The following ZHX2 variants were observed in gnomAD, a reference collection of about 807,000 sequenced individuals.
ZHX2 encodes the protein zinc fingers and homeoboxes protein 2.
ZHX2 carries 6 observed loss-of-function variants against 21.9 expected under a neutral mutation model. The observed-to-expected ratio is 0.27, with a 90% confidence interval of 0.15 to 0.54. The LOEUF is 0.54. ZHX2 is among the 20% of genes least tolerant of loss of function. ZHX2 has a pLI of 0.95. For missense variants in ZHX2, 908 were observed against 1,090.7 expected (o/e 0.83, Z 2.36); for synonymous variants, 434 against 437.1 (o/e 0.99, Z 0.09).
At chr8:122,886,299 A>G (rs539812471) in intron 2 of ZHX2, among the ~76,000 whole-genome samples, 2 of 152,348 alleles carry the variant, frequency 1.3e-5, no homozygotes, top group South Asian at 4.1e-4. Flanking sequence ...AGACAGTAAA[A>G]AGATCAGTGT....
At chr8:122,867,592 C>A (rs903777731) in intron 2 of ZHX2, among the ~76,000 whole-genome samples, 4 of 152,158 alleles carry the variant, frequency 2.6e-5, no homozygotes, top group Non-Finnish European at 5.9e-5. Context: ...TTTGTACTAG[C>A]TGGGAATAAG....
intron 1 of ZHX2, among the ~76,000 whole-genome samples, chr8:122,814,086 C>T (rs1257126968): frequency 1.3e-5 from 2 of 152,198 alleles, no homozygotes; most frequent in South Asian, 2.1e-4. Flanking sequence ...ACCCAAAGTT[C>T]GCACTACTAA....
rs28460212 is a variant in ZHX2, at chr8:122,914,690, T to G, written c.-219-36602T>G. On this transcript the variant is annotated intron_variant, in intron 2 of 3. Transcript: ENST00000314393. ...GTGGACTTCTATTTGCTAATAAATC[T>G]CATGCGCTCATTCAGACACTTCCAT... 5.4e-3 allele frequency among the ~76,000 whole-genome samples: 816 copies of G among 152,374 alleles called. 1 individual carries two copies. The highest frequency in any genetic ancestry group is 0.027 in the Middle Eastern group (8 of 294).
At chr8:122,959,637 C>T (rs1435299813) in intron 3 of ZHX2, among the ~76,000 whole-genome samples, 3 of 152,036 alleles carry the variant, frequency 2.0e-5, no homozygotes, top group African/African-American at 7.2e-5. Flanking sequence ...ATTTTTTTCC[C>T]ATCACTCATT....
At chr8:122,854,047 A>C (rs1027332287) in intron 1 of ZHX2, among the ~76,000 whole-genome samples, 3 of 152,102 alleles carry the variant, frequency 2.0e-5, no homozygotes, top group African/African-American at 7.2e-5. Flanking sequence ...AGTGATCTAC[A>C]TGGTCAGGCC....
rs187839237 is a variant in ZHX2, at chr8:122,790,268, T to G, written c.-283+8322T>G. Among the ~76,000 whole-genome samples, 324 of 152,312 alleles carry G rather than the reference T, an allele frequency of 2.1e-3. 4 individuals are homozygous for G. The highest frequency in any genetic ancestry group is 6.4e-3 in the African/African-American group (265 of 41,564). On this transcript the variant is annotated intron_variant, in intron 1 of 3. Coordinates refer to ENST00000314393, the MANE Select transcript of ZHX2 (RefSeq NM_014943.5). ...ACTGAGGCCCGGAAAGGTAAGATAA[T>G]TGGCCCAAGGTTATACAGTCCTATG...
chr8:122,946,882 C>T (rs1812988588), intron 2 of ZHX2, among the ~76,000 whole-genome samples: 1 of 152,080 alleles, frequency 6.6e-6, no homozygotes, highest in Admixed American at 6.5e-5. Flanking sequence ...CATGCACACA[C>T]ACACACTACT....
Position 122,953,865 on chromosome 8 carries a change from C to T in ZHX2, c.2355C>T (p.Asn785=), listed in dbSNP as rs746899768. 1.9e-5 allele frequency: 30 copies of T among 1,614,026 alleles called. No individual in the cohort carries two copies. In the Admixed American group the frequency reaches 2.3e-4, roughly 13 times the overall value. The change falls in exon 3 of 4, where the codon AAC becomes AAT. Residue 785 remains asparagine (N), a synonymous_variant. Coordinates refer to ENST00000314393, the MANE Select transcript of ZHX2 (RefSeq NM_014943.5). The surrounding 1 kb of genome is among the most constrained non-coding windows in gnomAD (Gnocchi z 4.6). ...GGGACGGCCAGGGTAGCGACGAGAACGAGGAGTCGAGCGTTGTGGATTACG... is the reference window on the plus strand; with the variant it reads ...GGGACGGCCAGGGTAGCGACGAGAATGAGGAGTCGAGCGTTGTGGATTACG... The part of the protein sequence containing the change: ...SSRDGQGSDE[N]EESSVVDYVE...
chr8:122,927,632 T>A (rs773711926), intron 2 of ZHX2, among the ~76,000 whole-genome samples: 9 of 152,070 alleles, frequency 5.9e-5, no homozygotes, highest in South Asian at 2.1e-4. Context: ...CAAGAAAGCT[T>A]GTGCAGGGGA....
chr8:122,943,987 C>T (rs182549396), intron 2 of ZHX2, among the ~76,000 whole-genome samples: 10 of 152,324 alleles, frequency 6.6e-5, no homozygotes, highest in Admixed American at 2.0e-4. Flanking sequence ...CTGCCCCTTA[C>T]CCCCAGTCCT....
At chr8:122,848,587 G>T (rs1431478823) in intron 1 of ZHX2, among the ~76,000 whole-genome samples, 2 of 152,096 alleles carry the variant, frequency 1.3e-5, no homozygotes, top group African/African-American at 4.8e-5. Flanking sequence ...GGCCTTGTTT[G>T]CAGGTCCCAC....
intron 1 of ZHX2, among the ~76,000 whole-genome samples, chr8:122,830,192 C>T (rs1441396484): frequency 3.3e-5 from 5 of 152,134 alleles, no homozygotes; most frequent in Admixed American, 2.6e-4. Flanking sequence ...CAAGTGAGGA[C>T]GGGGCAAAGG....
intron 1 of ZHX2, among the ~76,000 whole-genome samples, chr8:122,827,659 G>C (rs1176077166): frequency 5.9e-5 from 9 of 152,148 alleles, no homozygotes; most frequent in Admixed American, 5.2e-4. Flanking sequence ...GAATCTTTAG[G>C]GGGTGAAAAA....
At chr8:122,877,471 A>G (rs570641140) in intron 2 of ZHX2, among the ~76,000 whole-genome samples, 1 of 152,300 alleles carries the variant, frequency 6.6e-6, no homozygotes, top group South Asian at 2.1e-4. Flanking sequence ...TGAGATAGGT[A>G]CTATGTCATC....
chr8:122,914,104 G>T (rs1436563295), intron 2 of ZHX2, among the ~76,000 whole-genome samples: 1 of 152,134 alleles, frequency 6.6e-6, no homozygotes, highest in Non-Finnish European at 1.5e-5. Flanking sequence ...AGAAAAGATC[G>T]CCTGTCGTCA....
intron 1 of ZHX2, among the ~76,000 whole-genome samples, chr8:122,842,378 C>T (rs1818652667): frequency 6.6e-6 from 1 of 152,218 alleles, no homozygotes; most frequent in Non-Finnish European, 1.5e-5. Context: ...AACTGAACCG[C>T]TAGTTCAGTG....
intron 2 of ZHX2, among the ~76,000 whole-genome samples, chr8:122,923,202 T>C (rs1393080312): frequency 1.3e-5 from 2 of 152,230 alleles, no homozygotes; most frequent in Non-Finnish European, 2.9e-5. Flanking sequence ...AGTTTACGAT[T>C]ATTATATCTC....
At chr8:122,785,690 G>A (rs1263512043) in intron 1 of ZHX2, among the ~76,000 whole-genome samples, 1 of 152,208 alleles carries the variant, frequency 6.6e-6, no homozygotes, top group South Asian at 2.1e-4. Flanking sequence ...GGCAGACGGG[G>A]TGAAAGGAGG....
intron 1 of ZHX2, among the ~76,000 whole-genome samples, chr8:122,792,585 C>T (rs1563731995): frequency 6.6e-6 from 1 of 152,102 alleles, no homozygotes; most frequent in African/African-American, 2.4e-5. Flanking sequence ...TTTATGTTCC[C>T]ATCAGCAGAG....
Sources: gnomAD v4.1 joint callset for allele counts (sites outside exome capture counted in the v4.1 genomes callset) on GRCh38, gnomAD v4.1.1 for gene constraint, Gnocchi (gnomAD v3.1) non-coding constraint, MANE v1.5 for transcripts, NCBI Gene and HGNC (gene_info 2026-07-23, HGNC 2026-07-21) for gene names.